SMURF1: variants seen among roughly 807,000 people sequenced by gnomAD.
SMURF1 encodes the protein E3 ubiquitin-protein ligase SMURF1.
SMURF1 carries 44 observed loss-of-function variants against 98.0 expected under a neutral mutation model. That is an observed-to-expected ratio of 0.45 (90% CI 0.35 to 0.58). The LOEUF (loss-of-function observed/expected upper bound fraction) is 0.58. SMURF1 is among the 20% of genes least tolerant of loss of function. SMURF1 has a pLI of 0.00. For missense variants in SMURF1, 687 were observed against 938.4 expected (o/e 0.73, Z 3.50); for synonymous variants, 396 against 374.9 (o/e 1.06, Z -0.65).
At chr7:99,134,505 T>A (rs1003804219) in intron 1 of SMURF1, among the ~76,000 whole-genome samples, 1 of 152,200 alleles carries the variant, frequency 6.6e-6, no homozygotes, top group Admixed American at 6.5e-5. Flanking sequence ...GGATTTTTTT[T>A]ACCCCAAAGA....
intron 3 of SMURF1, among the ~76,000 whole-genome samples, chr7:99,059,536 C>G (rs1423016601): frequency 2.0e-5 from 3 of 151,942 alleles, no homozygotes; most frequent in African/African-American, 7.3e-5. Flanking sequence ...TCATATAAAA[C>G]TATATTTTCT....
chr7:99,067,426 C>T (rs1007014849), intron 1 of SMURF1, among the ~76,000 whole-genome samples: 1 of 152,166 alleles, frequency 6.6e-6, no homozygotes, highest in Non-Finnish European at 1.5e-5. Context: ...TGCATGTTTT[C>T]TTCAGTTCCA....
chr7:99,126,092 C>A (rs1037483735), intron 1 of SMURF1, among the ~76,000 whole-genome samples: 1 of 152,180 alleles, frequency 6.6e-6, no homozygotes, highest in East Asian at 1.9e-4. Context: ...CTGTTTCTAG[C>A]GAATGTACCA....
At chr7:99,049,418 A>G (rs1457805176) in intron 9 of SMURF1, 145 bp downstream of exon 9, 14 of 853,710 alleles carry the variant, frequency 1.6e-5, no homozygotes, top group Non-Finnish European at 2.3e-5. Context: ...AAAATATGCA[A>G]TTATCCGCCA....
intron 16 of SMURF1, among the ~76,000 whole-genome samples, chr7:99,034,326 A>T (rs971490616): frequency 1.3e-5 from 2 of 152,252 alleles, no homozygotes; most frequent in Admixed American, 1.3e-4. Flanking sequence ...ACACTGGGCT[A>T]AAGTCTATCC....
intron 3 of SMURF1, among the ~76,000 whole-genome samples, chr7:99,058,378 C>T (rs1339607121): frequency 1.3e-5 from 2 of 152,164 alleles, no homozygotes; most frequent in African/African-American, 4.8e-5. Flanking sequence ...GATCTTCCTG[C>T]CTCGGCCTCC....
chr7:99,040,346 A>C (rs202225513), intron 13 of SMURF1, 32 bp downstream of exon 13: 3 of 1,437,804 alleles, frequency 2.1e-6, no homozygotes, highest in South Asian at 3.2e-5. Flanking sequence ...GTGGGCCCTA[A>C]GCCAGGTGAC....
At position 99,052,198 on chromosome 7, in the gene SMURF1, C is replaced by G. The variant is rs757383276; in HGVS notation, c.721+7G>C. ...GGCATTGGCCACAGCAGGATACATTCTCTCACCGTAGCCTTCGGGCAGTTC... is the reference window on the plus strand; with the variant it reads ...GGCATTGGCCACAGCAGGATACATTGTCTCACCGTAGCCTTCGGGCAGTTC... On this transcript the variant is annotated splice_region_variant and intron_variant, in intron 7 of 17. Transcript: ENST00000361368. The G allele has an allele frequency of 5.9e-6, 9 of 1,534,320 alleles. No individual in the cohort carries two copies. Among genetic ancestry groups the G allele is most frequent in the Non-Finnish European group, 7.9e-6 (9 of 1,138,212 alleles).
intron 2 of SMURF1, among the ~76,000 whole-genome samples, chr7:99,061,268 T>C (rs1321418388): frequency 6.6e-6 from 1 of 152,216 alleles, no homozygotes; most frequent in Non-Finnish European, 1.5e-5. Flanking sequence ...AACTGAAAGA[T>C]GTCTTGTGAG....
intron 1 of SMURF1, among the ~76,000 whole-genome samples, chr7:99,096,506 A>G (rs1796959022): frequency 6.6e-6 from 1 of 152,248 alleles, no homozygotes; most frequent in Admixed American, 6.5e-5. Flanking sequence ...CACTAATCAT[A>G]AGAAAGCCTG....
chr7:99,081,957 C>T (rs531821721), intron 1 of SMURF1, among the ~76,000 whole-genome samples: 17 of 152,146 alleles, frequency 1.1e-4, no homozygotes, highest in African/African-American at 3.4e-4. Context: ...CTGGCCTGAT[C>T]GCATTTTTTA....
chr7:99,038,389 G>T lies in SMURF1; in HGVS notation c.1687C>A (p.Arg563=). The change falls in exon 14 of 18, where the codon CGG becomes AGG. Residue 563 remains arginine, a splice_region_variant and synonymous_variant. Coordinates refer to ENST00000361368, the MANE Select transcript of SMURF1 (RefSeq NM_181349.3). ...GCCGTCCCCGACAGGTGGCATTACC[G>T]GACGTATTCTTTCTTATTCTCCTCT... The part of the protein sequence containing the change: ...VTEENKKEYV[R]LYVNWRFMRG... The T allele has an allele frequency of 6.2e-7, 1 of 1,613,892 alleles. No homozygotes were observed. Among genetic ancestry groups the T allele is most frequent in the South Asian group, 1.1e-5 (1 of 91,036 alleles).
intron 1 of SMURF1, among the ~76,000 whole-genome samples, chr7:99,104,265 C>A (rs888598368): frequency 2.6e-5 from 4 of 152,128 alleles, no homozygotes. Context: ...TCATTTTGGT[C>A]ACTATAGAGG....
chr7:99,036,963 C>G, intron 15 of SMURF1, 104 bp downstream of exon 15: 16 of 1,561,812 alleles, frequency 1.0e-5, no homozygotes, highest in Non-Finnish European at 1.4e-5. Flanking sequence ...AGCTCCTAGG[C>G]TTACTAGAAA....
chr7:99,035,271 G>T, intron 16 of SMURF1: 1 of 554,326 alleles, frequency 1.8e-6, no homozygotes, highest in Non-Finnish European at 3.2e-6. Flanking sequence ...AAGCAGTGAG[G>T]AGGGGGAATC....
intron 1 of SMURF1, among the ~76,000 whole-genome samples, chr7:99,088,467 TA>T (rs1215867602): frequency 6.6e-6 from 1 of 151,358 alleles, no homozygotes; most frequent in Non-Finnish European, 1.5e-5. Flanking sequence ...TACTGTCCTG[TA>T]AAGTTACCTA....
rs1283433077 is a variant in SMURF1, at chr7:99,029,507, C to G, written c.*1077G>C. ...AGGCAGTGAGTGTGAAGTCGTCCCCCTCTGCTGTCACAGGTTTGCGTCCAC... is the reference window on the plus strand; with the variant it reads ...AGGCAGTGAGTGTGAAGTCGTCCCCGTCTGCTGTCACAGGTTTGCGTCCAC... On this transcript the variant is annotated 3_prime_UTR_variant, in exon 18 of 18. Coordinates refer to ENST00000361368, the MANE Select transcript of SMURF1 (RefSeq NM_181349.3). The G allele has an allele frequency of 6.6e-6, 1 of 152,212 alleles. No individual in the cohort carries two copies. Among genetic ancestry groups the G allele is most frequent in the African/African-American group, 2.4e-5 (1 of 41,454 alleles). 9.4% of individuals were successfully genotyped at this position (152,212 alleles called of 1,614,324 possible).
intron 10 of SMURF1, among the ~76,000 whole-genome samples, chr7:99,047,248 C>T (rs1795612809): frequency 6.6e-6 from 1 of 152,304 alleles, no homozygotes; most frequent in Admixed American, 6.5e-5. Context: ...CCTCAGATGA[C>T]ATCTCATACA....
chr7:99,128,240 G>A (rs1474059079), intron 1 of SMURF1, among the ~76,000 whole-genome samples: 2 of 152,166 alleles, frequency 1.3e-5, no homozygotes, highest in Admixed American at 1.3e-4. Flanking sequence ...ATGACAAGAT[G>A]ACCGAATGGC....
Sources: gnomAD v4.1 joint callset for allele counts (sites outside exome capture counted in the v4.1 genomes callset) on GRCh38, gnomAD v4.1.1 for gene constraint, MANE v1.5 for transcripts, NCBI Gene and HGNC (gene_info 2026-07-23, HGNC 2026-07-21) for gene names.